MMP20: variants seen among roughly 807,000 people sequenced by gnomAD.
MMP20 encodes the protein matrix metalloproteinase-20.
A neutral mutation model predicts 51.8 loss-of-function variants in MMP20; 50 were observed. That is an observed-to-expected ratio of 0.97 (90% CI 0.77 to 1.22). The LOEUF is 1.22. Ranked by LOEUF, MMP20 falls within the 50% of genes most tolerant of loss-of-function variation. MMP20 has a pLI of 0.00. For missense variants in MMP20, 663 were observed against 601.4 expected, an observed-to-expected ratio of 1.10 and a Z score of -1.07; for synonymous variants, 244 against 216.2, an observed-to-expected ratio of 1.13 and a Z score of -1.13.
intron 6 of MMP20, among the ~76,000 whole-genome samples, chr11:102,604,152 A>G (rs1283776930): frequency 6.6e-6 from 1 of 152,140 alleles, no homozygotes; most frequent in African/African-American, 2.4e-5. Flanking sequence ...TACACCCTGC[A>G]TGATGGCTAG....
chr11:102,610,384 G>A (rs754363767), intron 3 of MMP20, among the ~76,000 whole-genome samples: 6 of 152,002 alleles, frequency 3.9e-5, no homozygotes, highest in South Asian at 2.1e-4. Context: ...GCGGGGGGGC[G>A]GCATTCGATA....
chr11:102,590,405 G>A (rs539119663), intron 8 of MMP20, among the ~76,000 whole-genome samples: 2 of 152,268 alleles, frequency 1.3e-5, no homozygotes, highest in South Asian at 2.1e-4. Context: ...TCCTCTGTGC[G>A]CTGCTCCCCT....
chr11:102,609,054 G>C lies in MMP20; in HGVS notation c.694C>G (p.Leu232Val). The C allele has an allele frequency of 6.2e-7, 1 of 1,614,118 alleles. No individual in the cohort carries two copies. The highest frequency in any genetic ancestry group is 8.5e-7 in the Non-Finnish European group (1 of 1,179,964). Residue 232 changes from leucine (L) to valine (V), a missense_variant, in exon 5 of 10, where the codon CTG becomes GTG. Transcript: ENST00000260228. The part of the protein sequence containing the change: ...TVAAHEFGHA[L>V]GLAHSTDPSA... ...GGGTCTGTGGAATGGGCCAGGCCCAGGGCATGGCCAAATTCATGAGCAGCA... is the reference window on the plus strand; with the variant it reads ...GGGTCTGTGGAATGGGCCAGGCCCACGGCATGGCCAAATTCATGAGCAGCA...
Position 102,609,020 on chromosome 11 carries a change from A to G in MMP20, c.728T>C (p.Leu243Pro). Reference sequence around the variant, plus strand: ...CTTGTACTTATAAGTTGGGTACATCAGTGCTGATGGGTCTGTGGAATGGGC... The same window carrying G: ...CTTGTACTTATAAGTTGGGTACATCGGTGCTGATGGGTCTGTGGAATGGGC... ...GLAHSTDPSALMYPTYKYKNP... is the reference protein window; with the variant it reads ...GLAHSTDPSAPMYPTYKYKNP... The change falls in exon 5 of 10, where the codon CTG becomes CCG. Residue 243 changes from leucine (L) to proline (P), a missense_variant. Physicochemically the swap from Leu to Pro is moderately conservative, Grantham distance 98 (BLOSUM62 -3). Transcript: ENST00000260228. 1.2e-6 allele frequency: 2 copies of G among 1,614,074 alleles called. No individual in the cohort carries two copies. Among genetic ancestry groups the G allele is most frequent in the Non-Finnish European group, 1.7e-6 (2 of 1,179,892 alleles).
rs1859604345 is a variant in MMP20 at position 102,611,829 on chromosome 11, C to G, written c.449G>C (p.Ser150Thr). 6.2e-7 allele frequency: 1 copy of G among 1,614,128 alleles called. No individual in the cohort carries two copies. The highest frequency in any genetic ancestry group is 1.1e-5 in the South Asian group (1 of 91,094). The stretch of plus-strand genomic sequence containing the variant: ...GACAAAGCTCAGAGGGACGGCGCTA[C>G]TCCAGGCCTGCAAGGCCATCTCCAC... The part of the protein sequence containing the change: ...KAVEMALQAW[S>T]SAVPLSFVRI... The change falls in exon 3 of 10, where the codon AGT becomes ACT. Residue 150 changes from serine to threonine, a missense_variant. Transcript: ENST00000260228.
intron 8 of MMP20, among the ~76,000 whole-genome samples, chr11:102,592,642 C>T (rs1859330543): frequency 1.3e-5 from 2 of 152,188 alleles, no homozygotes; most frequent in Non-Finnish European, 1.5e-5. Flanking sequence ...CTTTCATGAG[C>T]CTAAGGTGTC....
At chr11:102,589,026 A>G (rs1859284294) in intron 8 of MMP20, among the ~76,000 whole-genome samples, 1 of 152,102 alleles carries the variant, frequency 6.6e-6, no homozygotes, top group African/African-American at 2.4e-5. Flanking sequence ...TTTCTCCCTT[A>G]TGGAAGGTAT....
chr11:102,617,109 C>G (rs1197779015), intron 1 of MMP20, 50 bp from the exon 2 acceptor site: 2 of 1,611,758 alleles, frequency 1.2e-6, no homozygotes, highest in East Asian at 2.2e-5. Context: ...CTGGGAAATA[C>G]TCATGCTCAG....
At chr11:102,579,717 A>C (rs1431922904) in intron 8 of MMP20, among the ~76,000 whole-genome samples, 1 of 152,204 alleles carries the variant, frequency 6.6e-6, no homozygotes, top group African/African-American at 2.4e-5. Flanking sequence ...CTTGGAAGTC[A>C]CTTGCTTAAA....
chr11:102,603,710 C>T lies in MMP20; in HGVS notation c.953+2825G>A, dbSNP rs117859614. ...TGGCAAGTCCAGTGCTGGGACCACT[C>T]CTGACTCCCCATCCTGCTTATAGCT... On this transcript the variant is annotated intron_variant, in intron 6 of 9. Coordinates refer to ENST00000260228, the MANE Select transcript of MMP20 (RefSeq NM_004771.4). Among the ~76,000 whole-genome samples the T allele has an allele frequency of 4.7e-3, 717 of 152,306 alleles. 3 individuals are homozygous for T. Among genetic ancestry groups the T allele is most frequent in the Non-Finnish European group, 7.5e-3 (513 of 68,034 alleles).
At chr11:102,616,430 A>C (rs1859671264) in intron 2 of MMP20, among the ~76,000 whole-genome samples, 1 of 152,236 alleles carries the variant, frequency 6.6e-6, no homozygotes, top group Admixed American at 6.5e-5. Flanking sequence ...CATCAATAAA[A>C]GATTTTTGGA....
At chr11:102,614,645 GT>G (rs201702248) in intron 2 of MMP20, among the ~76,000 whole-genome samples, 3 of 151,936 alleles carry the variant, frequency 2.0e-5, no homozygotes, top group Non-Finnish European at 4.4e-5. Flanking sequence ...CAATTGCTTT[GT>G]TTTTTTGTTC....
intron 6 of MMP20, among the ~76,000 whole-genome samples, chr11:102,604,644 A>G (rs940105620): frequency 1.3e-5 from 2 of 152,184 alleles, no homozygotes; most frequent in African/African-American, 4.8e-5. Flanking sequence ...TTGCCTTTGA[A>G]AAGTGAATGT....
intron 4 of MMP20, 55 bp from the exon 5 acceptor site, chr11:102,609,153 A>T (rs1267165738): frequency 6.8e-7 from 1 of 1,467,470 alleles, no homozygotes; most frequent in South Asian, 1.2e-5. Flanking sequence ...TGTTTTCTCC[A>T]TCTTCCATCT....
intron 8 of MMP20, among the ~76,000 whole-genome samples, chr11:102,593,037 G>A (rs988131787): frequency 4.6e-5 from 7 of 152,176 alleles, no homozygotes; most frequent in African/African-American, 1.2e-4. Context: ...CCATGGTCAG[G>A]ACCATCTCCA....
intron 7 of MMP20, among the ~76,000 whole-genome samples, chr11:102,594,179 T>A (rs1426891900): frequency 6.6e-6 from 1 of 152,256 alleles, no homozygotes; most frequent in Admixed American, 6.5e-5. Context: ...GATTGGTATA[T>A]GTGTCCACCT....
chr11:102,585,380 T>C (rs1211390776), intron 8 of MMP20, among the ~76,000 whole-genome samples: 1 of 152,190 alleles, frequency 6.6e-6, no homozygotes, highest in Non-Finnish European at 1.5e-5. Context: ...CAGTTGGAAT[T>C]GCTTTCTTAA....
intron 6 of MMP20, among the ~76,000 whole-genome samples, chr11:102,601,616 G>A (rs1389344342): frequency 6.6e-6 from 1 of 152,002 alleles, no homozygotes; most frequent in Admixed American, 6.6e-5. Context: ...CAAAACCCAC[G>A]AAGCCTCCAA....
chr11:102,607,223 G>A lies in MMP20; in HGVS notation c.812-547C>T, dbSNP rs17098874. 870 of 168,006 alleles carry A rather than the reference G, an allele frequency of 5.2e-3. 10 individuals are homozygous for A. Among genetic ancestry groups the A allele is most frequent in the African/African-American group, 0.02 (818 of 41,654 alleles). 10.4% of individuals were successfully genotyped at this position (168,006 alleles called of 1,614,324 possible). ...TAGGCATCCAGGAAAAACTGAGCGA[G>A]TTCTTGTGAAACTGAAGTACACTGA... On this transcript the variant is annotated intron_variant, in intron 5 of 9. Transcript: ENST00000260228.
Sources: allele counts gnomAD v4.1 joint callset (sites outside exome capture counted in the v4.1 genomes callset), GRCh38; gene constraint gnomAD v4.1.1; transcripts MANE v1.5; gene names NCBI Gene and HGNC (gene_info 2026-07-23, HGNC 2026-07-21).